Variants in PPP2R3B observed in about 807,000 individuals in gnomAD.
The protein encoded by PPP2R3B is protein phosphatase 2 regulatory subunit B''beta, also known as serine/threonine-protein phosphatase 2A regulatory subunit B'' subunit beta.
Under a neutral mutation model 72.9 loss-of-function variants are expected in PPP2R3B, and 68 were observed. The ratio of observed to expected loss-of-function variants is 0.93; its 90% CI spans 0.77 to 1.14. PPP2R3B has a LOEUF of 1.14. Ranked by LOEUF, PPP2R3B falls within the 50% of genes most tolerant of loss-of-function variation. PPP2R3B has a pLI of 0.00. For synonymous variants in PPP2R3B, 466 were observed against 375.8 expected (o/e 1.24, Z -2.78); for missense variants, 1,018 against 842.0 (o/e 1.21, Z -2.59).
chrX:341,767 G>T (rs1394870366), intron 8 of PPP2R3B, 116 bp downstream of exon 8: 1 of 1,136,686 alleles, frequency 8.8e-7, no homozygotes, highest in South Asian at 1.2e-5. Context: ...CCAGGGCCTG[G>T]GGTGACAACC....
At chrX:346,620 T>C (rs1240219433) in intron 5 of PPP2R3B, 81 bp downstream of exon 5, 8 of 1,369,632 alleles carry the variant, frequency 5.8e-6, no homozygotes, top group Admixed American at 4.1e-5. Flanking sequence ...GCCCGCCCCG[T>C]CCGCAGAAGC....
At chrX:385,045 G>A (rs1318989700) in intron 1 of PPP2R3B, among the ~76,000 whole-genome samples, 5 of 149,206 alleles carry the variant, frequency 3.4e-5, no homozygotes, top group Admixed American at 1.3e-4. Context: ...TACTCACCAC[G>A]GACTGGTTCT....
chrX:335,502 G>GCTA (rs1198563764), intron 12 of PPP2R3B: 1 of 152,236 alleles, frequency 6.6e-6, no homozygotes, highest in African/African-American at 2.4e-5. Flanking sequence ...AATCGGACGG[G>GCTA]GCGGCTGATG....
chrX:361,982 C>T (rs766732938), intron 1 of PPP2R3B, among the ~76,000 whole-genome samples: 1 of 152,182 alleles, frequency 6.6e-6, no homozygotes, highest in African/African-American at 2.4e-5. Flanking sequence ...AAAAGGGCAG[C>T]CACGCACCCC....
chrX:363,975 A>G (rs946272710), intron 1 of PPP2R3B, among the ~76,000 whole-genome samples: 9 of 152,270 alleles, frequency 5.9e-5, no homozygotes, highest in Admixed American at 5.9e-4. Context: ...AACGTCTTCT[A>G]GACGGCGCCC....
chrX:371,584 G>A (rs771437337), intron 1 of PPP2R3B, among the ~76,000 whole-genome samples: 247 of 152,220 alleles, frequency 1.6e-3, no homozygotes, highest in African/African-American at 5.1e-3. Flanking sequence ...TGCGGCCAAC[G>A]TTGGCCGTGG....
intron 2 of PPP2R3B, among the ~76,000 whole-genome samples, chrX:350,672 G>A (rs1603065278): frequency 1.3e-5 from 2 of 152,232 alleles, no homozygotes; most frequent in African/African-American, 2.4e-5. Flanking sequence ...CATGACACGC[G>A]CGGCTGAGAC....
intron 2 of PPP2R3B, 32 bp downstream of exon 2, chrX:361,373 C>T (rs775079543): frequency 1.5e-5 from 24 of 1,611,646 alleles, no homozygotes; most frequent in South Asian, 8.8e-5. Context: ...AGTACCACCT[C>T]GGCTGCTCCA....
intron 2 of PPP2R3B, among the ~76,000 whole-genome samples, chrX:356,550 A>G (rs1172498537): frequency 2.0e-5 from 3 of 152,202 alleles, no homozygotes; most frequent in Admixed American, 2.0e-4. Context: ...TACAAAACTA[A>G]ACATGTGGCC....
intron 1 of PPP2R3B, among the ~76,000 whole-genome samples, chrX:379,640 A>G (rs1167937144): frequency 6.6e-6 from 1 of 152,266 alleles, no homozygotes; most frequent in Non-Finnish European, 1.5e-5. Context: ...AAACAGATAG[A>G]AACTTAATCA....
chrX:352,320 G>A (rs935896372), intron 2 of PPP2R3B, among the ~76,000 whole-genome samples: 14 of 152,242 alleles, frequency 9.2e-5, no homozygotes, highest in Admixed American at 2.0e-4. Context: ...CCACCCGCAC[G>A]GCCAGGACAG....
intron 1 of PPP2R3B, among the ~76,000 whole-genome samples, 175 bp downstream of exon 1, chrX:386,193 G>C (rs2072244248): frequency 6.6e-6 from 1 of 151,666 alleles, no homozygotes; most frequent in Admixed American, 6.6e-5. Context: ...TGTTCAGTAC[G>C]TGGGACTTTC....
At chrX:359,849 G>T in intron 2 of PPP2R3B, 1 of 515,096 alleles carries the variant, frequency 1.9e-6, no homozygotes, top group East Asian at 5.5e-5. Context: ...TACCTCTGGG[G>T]TAGAAACAGC....
At chrX:361,183 C>T (rs1055175251) in intron 2 of PPP2R3B, among the ~76,000 whole-genome samples, 1 of 152,242 alleles carries the variant, frequency 6.6e-6, no homozygotes, top group Non-Finnish European at 1.5e-5. Flanking sequence ...ATTTCAGATG[C>T]TTAAGAATTC....
chrX:347,564 AG>A, intron 3 of PPP2R3B, 25 bp downstream of exon 3: 1 of 1,556,154 alleles, frequency 6.4e-7, no homozygotes, highest in Non-Finnish European at 8.7e-7. Context: ...CTCCCGACAC[AG>A]CCCCCTGCCC....
At chrX:381,261 A>G (rs941920535) in intron 1 of PPP2R3B, among the ~76,000 whole-genome samples, 2 of 152,100 alleles carry the variant, frequency 1.3e-5, no homozygotes, top group African/African-American at 4.8e-5. Flanking sequence ...TCTCTTCCCC[A>G]AAGACGGGAA....
chrX:375,937 T>C (rs760113219), intron 1 of PPP2R3B, among the ~76,000 whole-genome samples: 1 of 151,808 alleles, frequency 6.6e-6, no homozygotes, highest in Non-Finnish European at 1.5e-5. Context: ...CTCATGCCTG[T>C]AATCCCAGCA....
At chrX:365,368 ACT>A (rs1428277329) in intron 1 of PPP2R3B, among the ~76,000 whole-genome samples, 1 of 26,768 alleles carries the variant, frequency 3.7e-5, no homozygotes, top group Non-Finnish European at 5.9e-5. Flanking sequence ...ACAGAGTGAG[ACT>A]CTGTCTCAAA....
intron 2 of PPP2R3B, among the ~76,000 whole-genome samples, chrX:355,463 T>C (rs1451917378): frequency 1.3e-5 from 2 of 152,174 alleles, no homozygotes; most frequent in African/African-American, 2.4e-5. Flanking sequence ...CAGCAGGCTG[T>C]CGTAGCAACG....
Sources: allele counts gnomAD v4.1 joint callset (sites outside exome capture counted in the v4.1 genomes callset), GRCh38; gene constraint gnomAD v4.1.1; transcripts MANE v1.5; gene names NCBI Gene and HGNC (gene_info 2026-07-23, HGNC 2026-07-21).